PDE4B: variants seen among roughly 807,000 people sequenced by gnomAD.
PDE4B encodes the protein 3',5'-cyclic-AMP phosphodiesterase 4B.
In PDE4B, 20 loss-of-function variants were observed where a neutral mutation model predicts 82.2. The ratio of observed to expected loss-of-function variants is 0.24; its 90% CI spans 0.17 to 0.35. PDE4B has a LOEUF of 0.35. Among genes scored for constraint, PDE4B ranks in the 10% least tolerant of loss-of-function variants. The pLI is 1.00. For missense variants in PDE4B, 655 were observed against 907.2 expected, an observed-to-expected ratio of 0.72 and a Z score of 3.57; for synonymous variants, 320 against 318.9, an observed-to-expected ratio of 1.00 and a Z score of -0.04.
intron 3 of PDE4B, among the ~76,000 whole-genome samples, chr1:66,115,641 C>G (rs780732966): frequency 2.0e-5 from 3 of 152,218 alleles, no homozygotes; most frequent in Non-Finnish European, 2.9e-5. Flanking sequence ...TAGGCACATT[C>G]GCTGTCTGAA....
chr1:66,361,938 G>GC, intron 10 of PDE4B, 145 bp downstream of exon 10: 5 of 614,054 alleles, frequency 8.1e-6, no homozygotes, highest in Non-Finnish European at 1.1e-5. Context: ...TGACTTTACT[G>GC]TGAGCAGTAA....
chr1:65,917,512 C>T (rs1032373583), intron 2 of PDE4B, among the ~76,000 whole-genome samples: 11 of 152,272 alleles, frequency 7.2e-5, no homozygotes, highest in Admixed American at 7.2e-4. Flanking sequence ...AGGGCTATAA[C>T]ATTTTCTGTC....
chr1:65,898,573 A>C (rs1646936835), intron 1 of PDE4B, among the ~76,000 whole-genome samples: 1 of 152,172 alleles, frequency 6.6e-6, no homozygotes, highest in Non-Finnish European at 1.5e-5. Context: ...CTATACTATA[A>C]GGCCATAGTC....
At chr1:65,992,364 A>T (rs1179959155) in intron 3 of PDE4B, 1 of 152,286 alleles carries the variant, frequency 6.6e-6, no homozygotes. Context: ...TGGTAGGTGG[A>T]GTTACTGTTG....
chr1:65,798,586 T>C (rs1331223834), intron 1 of PDE4B, among the ~76,000 whole-genome samples: 3 of 151,302 alleles, frequency 2.0e-5, no homozygotes, highest in African/African-American at 7.3e-5. Flanking sequence ...ACTCCTGACC[T>C]CAAGTGATCC....
At chr1:66,155,680 A>G (rs1646489598) in intron 3 of PDE4B, among the ~76,000 whole-genome samples, 1 of 151,954 alleles carries the variant, frequency 6.6e-6, no homozygotes, top group Admixed American at 6.6e-5. Flanking sequence ...GAATGCCAAG[A>G]TTTGTGCTAG....
chr1:66,133,965 G>A (rs1043242659), intron 3 of PDE4B, among the ~76,000 whole-genome samples: 5 of 151,884 alleles, frequency 3.3e-5, no homozygotes, highest in African/African-American at 1.2e-4. Context: ...TCTTGCTTCA[G>A]TGGAAGAGAA....
intron 3 of PDE4B, among the ~76,000 whole-genome samples, chr1:66,132,386 A>G (rs934651768): frequency 4.6e-5 from 7 of 152,178 alleles, no homozygotes; most frequent in African/African-American, 1.7e-4. Flanking sequence ...GTAAAATAGG[A>G]TAATAAAACT....
intron 3 of PDE4B, among the ~76,000 whole-genome samples, chr1:66,161,563 A>C (rs1646614044): frequency 1.3e-5 from 2 of 152,178 alleles, no homozygotes; most frequent in African/African-American, 4.8e-5. Context: ...GTTTTAATGC[A>C]AATTACCTAT....
chr1:66,231,892 G>C (rs1052237548), intron 3 of PDE4B, among the ~76,000 whole-genome samples: 6 of 152,188 alleles, frequency 3.9e-5, no homozygotes, highest in African/African-American at 1.4e-4. Flanking sequence ...GGTCAAGTGT[G>C]AGTGAGGTAA....
intron 1 of PDE4B, among the ~76,000 whole-genome samples, chr1:65,899,225 A>G (rs1161666210): frequency 6.6e-6 from 1 of 152,200 alleles, no homozygotes; most frequent in Non-Finnish European, 1.5e-5. Flanking sequence ...AATGCTCAAC[A>G]TCACTATTGA....
chr1:66,354,800 A>G, intron 8 of PDE4B: 1 of 1,535,034 alleles, frequency 6.5e-7, no homozygotes, highest in South Asian at 1.2e-5. Context: ...AGAACTGTGA[A>G]TTCTTTCAAA....
chr1:65,895,819 A>G (rs1464332961), intron 1 of PDE4B, among the ~76,000 whole-genome samples: 1 of 150,190 alleles, frequency 6.7e-6, no homozygotes, highest in Non-Finnish European at 1.5e-5. Flanking sequence ...CTGGAGAATA[A>G]AGGCAATTTT....
chr1:65,858,396 C>G (rs1646416761), intron 1 of PDE4B, among the ~76,000 whole-genome samples: 1 of 152,122 alleles, frequency 6.6e-6, no homozygotes, highest in African/African-American at 2.4e-5. Context: ...GATTTATAAT[C>G]TTTTTTACAC....
chr1:66,076,049 T>G (rs963281926), intron 3 of PDE4B, among the ~76,000 whole-genome samples: 1 of 152,008 alleles, frequency 6.6e-6, no homozygotes, highest in African/African-American at 2.4e-5. Flanking sequence ...ACTTTTGTTA[T>G]AGGTTCAGAT....
chr1:66,075,860 T>C (rs1656402566), intron 3 of PDE4B, among the ~76,000 whole-genome samples: 1 of 152,062 alleles, frequency 6.6e-6, no homozygotes, highest in South Asian at 2.1e-4. Flanking sequence ...TGATCTTCTA[T>C]GTTTTTAATG....
intron 1 of PDE4B, among the ~76,000 whole-genome samples, chr1:65,860,297 G>C (rs1317722053): frequency 6.6e-6 from 1 of 152,182 alleles, no homozygotes; most frequent in Non-Finnish European, 1.5e-5. Flanking sequence ...AACATGCAGT[G>C]TTTAGTTTTC....
At chr1:66,146,210 G>T (rs1437077293) in intron 3 of PDE4B, among the ~76,000 whole-genome samples, 2 of 115,650 alleles carry the variant, frequency 1.7e-5, no homozygotes, top group East Asian at 5.1e-4. Flanking sequence ...TTGAGACGGA[G>T]TCTCACTCTG....
chr1:66,324,429 C>A lies in PDE4B; in HGVS notation c.635-8079C>A, dbSNP rs866402753. ...ATCCAAGCCTCAATTTTCTCACATTCATAATGGAAAATGTATGTCATAATG... is the reference window on the plus strand; with the variant it reads ...ATCCAAGCCTCAATTTTCTCACATTAATAATGGAAAATGTATGTCATAATG... On this transcript the variant is annotated intron_variant, in intron 7 of 16. Transcript: ENST00000341517. Among the ~76,000 whole-genome samples the A allele has an allele frequency of 2.0e-5, 3 of 152,060 alleles. No homozygotes were observed. The South Asian group carries it at 6.2e-4, about 32-fold the overall frequency.
Sources: allele counts gnomAD v4.1 joint callset (sites outside exome capture counted in the v4.1 genomes callset), GRCh38; gene constraint gnomAD v4.1.1; transcripts MANE v1.5; gene names NCBI Gene and HGNC (gene_info 2026-07-23, HGNC 2026-07-21).